Variants in FREM3 observed in about 807,000 individuals in gnomAD.
The protein encoded by FREM3 is FRAS1 related extracellular matrix 3.
Under a neutral mutation model 129.1 loss-of-function variants are expected in FREM3, and 105 were observed. The ratio of observed to expected loss-of-function variants is 0.81; its 90% confidence interval spans 0.69 to 0.96. The LOEUF is 0.96. FREM3 is among the 40% of genes least tolerant of loss of function. FREM3 has a pLI of 0.00. For synonymous variants in FREM3, 1,014 were observed against 1,044.9 expected (o/e 0.97, Z 0.57); for missense variants, 2,593 against 2,666.3 (o/e 0.97, Z 0.61).
At chr4:143,661,771 G>A (rs1739729145) in intron 2 of FREM3, among the ~76,000 whole-genome samples, 1 of 152,158 alleles carries the variant, frequency 6.6e-6, no homozygotes, top group African/African-American at 2.4e-5. Context: ...TTCAGCTCCT[G>A]TTATTGGTCT....
intron 2 of FREM3, among the ~76,000 whole-genome samples, chr4:143,659,076 T>C (rs1053915377): frequency 3.6e-5 from 4 of 112,624 alleles, no homozygotes; most frequent in Non-Finnish European, 7.6e-5. Flanking sequence ...CTTTATTTTA[T>C]TTATTATTTT....
At chr4:143,582,955 A>T (rs972919215) in intron 7 of FREM3, among the ~76,000 whole-genome samples, 2 of 150,980 alleles carry the variant, frequency 1.3e-5, no homozygotes, top group Non-Finnish European at 2.9e-5. Context: ...TGTATGGCTC[A>T]TCACAGCCTC....
chr4:143,675,815 C>G (rs1190144716), intron 2 of FREM3, among the ~76,000 whole-genome samples: 5 of 152,208 alleles, frequency 3.3e-5, no homozygotes, highest in Non-Finnish European at 5.9e-5. Flanking sequence ...TTCCTCCACA[C>G]GTACACCCTC....
chr4:143,685,543 C>G (rs887505093), intron 2 of FREM3, among the ~76,000 whole-genome samples: 1 of 152,116 alleles, frequency 6.6e-6, no homozygotes, highest in African/African-American at 2.4e-5. Context: ...AAAACAGAAC[C>G]TCTTTAAAGC....
rs183414953 is a variant in FREM3 at position 143,687,478 on chromosome 4, T to C, written c.5275+5635A>G. ...ATTATTTTGACACTATTCCACAAGA[T>C]AGAGAAAAACGGAACCCTCCCTAAT... is the stretch of plus-strand genomic sequence containing the variant. On this transcript the variant is annotated intron_variant, in intron 2 of 7. Transcript: ENST00000329798. Among the ~76,000 whole-genome samples, 184 of 152,182 alleles carry C rather than the reference T, an allele frequency of 1.2e-3. 1 individual carries two copies. The highest frequency in any genetic ancestry group is 4.3e-3 in the African/African-American group (177 of 41,538).
intron 6 of FREM3, among the ~76,000 whole-genome samples, chr4:143,590,576 C>G (rs1327315836): frequency 6.6e-6 from 1 of 152,158 alleles, no homozygotes; most frequent in Non-Finnish European, 1.5e-5. Flanking sequence ...CCTTGCATCC[C>G]AGGGATGAAG....
intron 6 of FREM3, among the ~76,000 whole-genome samples, chr4:143,589,088 G>A (rs182935381): frequency 6.6e-6 from 1 of 151,712 alleles, no homozygotes; most frequent in African/African-American, 2.4e-5. Flanking sequence ...TGTGGATGGG[G>A]TTGTTTTTTT....
At chr4:143,682,164 A>G (rs1431674637) in intron 2 of FREM3, among the ~76,000 whole-genome samples, 2 of 152,288 alleles carry the variant, frequency 1.3e-5, no homozygotes, top group East Asian at 1.9e-4. Context: ...CTAGTGAGGC[A>G]AGAGAATAGG....
At chr4:143,588,247 T>G (rs974690810) in intron 6 of FREM3, among the ~76,000 whole-genome samples, 1 of 152,180 alleles carries the variant, frequency 6.6e-6, no homozygotes, top group Non-Finnish European at 1.5e-5. Flanking sequence ...CTGTGTTTTT[T>G]TTATTATTAT....
intron 7 of FREM3, among the ~76,000 whole-genome samples, chr4:143,583,090 C>T (rs1381227948): frequency 6.6e-6 from 1 of 151,588 alleles, no homozygotes; most frequent in Non-Finnish European, 1.5e-5. Flanking sequence ...GCCATGTTGC[C>T]CACATTGGAC....
intron 6 of FREM3, among the ~76,000 whole-genome samples, chr4:143,610,270 C>T: frequency 6.6e-6 from 1 of 152,110 alleles, no homozygotes. Flanking sequence ...GGAGATTAAA[C>T]AACAAACAGA....
intron 2 of FREM3, among the ~76,000 whole-genome samples, chr4:143,681,319 G>A (rs1313487625): frequency 6.6e-6 from 1 of 152,038 alleles, no homozygotes; most frequent in African/African-American, 2.4e-5. Context: ...CAAGTTTAGA[G>A]TAATATTATT....
intron 6 of FREM3, among the ~76,000 whole-genome samples, chr4:143,604,440 A>G (rs1050643029): frequency 5.9e-5 from 9 of 152,180 alleles, no homozygotes; most frequent in Non-Finnish European, 1.3e-4. Flanking sequence ...CCCAGGCTGC[A>G]GTCCTCAACC....
intron 2 of FREM3, among the ~76,000 whole-genome samples, chr4:143,629,711 G>A (rs991696866): frequency 1.3e-5 from 2 of 152,016 alleles, no homozygotes; most frequent in Non-Finnish European, 2.9e-5. Flanking sequence ...ACTGTCACAT[G>A]TTTTATTCTA....
chr4:143,695,912 A>T lies in FREM3; in HGVS notation c.4764T>A (p.Asn1588Lys). ...TGAAAGTGGTCACGGGACGGCTACC[A>T]TTGTACAAAATCTTGCCATGCATGG... Reference protein sequence around the residue: ...QVPMHGKILYNGSRPVTTFTK... With the variant: ...QVPMHGKILYKGSRPVTTFTK... Residue 1588 changes from asparagine (N) to lysine (K), a missense_variant, in exon 1 of 8, where the codon AAT (asparagine) becomes AAA (lysine). Physicochemically the swap from Asn to Lys is moderately conservative, Grantham distance 94. This residue lies in a region of FREM3 where 2,276 missense variants were observed against 2,267.2 expected (regional missense o/e 1.00). Coordinates refer to ENST00000329798, the MANE Select transcript of FREM3 (RefSeq NM_001168235.2). The T allele has an allele frequency of 6.5e-7, 1 of 1,537,754 alleles. No individual in the cohort carries two copies. Among genetic ancestry groups the T allele is most frequent in the South Asian group, 1.2e-5 (1 of 84,052 alleles).
At chr4:143,690,469 G>A (rs142987517) in intron 2 of FREM3, among the ~76,000 whole-genome samples, 185 of 152,174 alleles carry the variant, frequency 1.2e-3, no homozygotes, top group African/African-American at 4.1e-3. Flanking sequence ...CTGGAGGCAG[G>A]GCAGGGTCTT....
chr4:143,578,214 G>A (rs771189857), intron 7 of FREM3, among the ~76,000 whole-genome samples: 1 of 152,170 alleles, frequency 6.6e-6, no homozygotes, highest in Non-Finnish European at 1.5e-5. Flanking sequence ...GAAGATAAAT[G>A]TAATACATTT....
intron 2 of FREM3, among the ~76,000 whole-genome samples, chr4:143,673,292 G>T (rs1475520618): frequency 6.6e-6 from 1 of 152,188 alleles, no homozygotes; most frequent in Non-Finnish European, 1.5e-5. Flanking sequence ...CTTCCTGTTT[G>T]TTAGTTTTCC....
chr4:143,653,828 A>G (rs1202424129), intron 2 of FREM3, among the ~76,000 whole-genome samples: 1 of 152,200 alleles, frequency 6.6e-6, no homozygotes, highest in East Asian at 1.9e-4. Context: ...TTTTCAAAAA[A>G]CTTCCCAGGT....
Sources: gnomAD v4.1 joint callset for allele counts (sites outside exome capture counted in the v4.1 genomes callset) on GRCh38, gnomAD v4.1.1 for gene constraint, gnomAD v4.1.1 regional missense constraint, MANE v1.5 for transcripts, NCBI Gene and HGNC (gene_info 2026-07-23, HGNC 2026-07-21) for gene names.